Variants in TERT observed in about 807,000 individuals in gnomAD.
The protein encoded by TERT is telomerase reverse transcriptase.
A neutral mutation model predicts 104.0 loss-of-function variants in TERT; 42 were observed. The observed-to-expected ratio is 0.40, with a 90% CI of 0.32 to 0.52. The LOEUF (loss-of-function observed/expected upper bound fraction) is 0.52, where lower values mean the gene tolerates loss of function less well. TERT is among the 20% of genes least tolerant of loss of function. The probability of loss-of-function intolerance (pLI) is 0.43; values close to 1 mark genes in which losing one functional copy is unlikely to be tolerated. For synonymous variants in TERT, 781 were observed against 725.6 expected (o/e 1.08, Z -1.23); for missense variants, 1,101 against 1,610.3 (o/e 0.68, Z 5.41).
chr5:1,257,791 G>A lies in TERT; in HGVS notation c.3032+807C>T, dbSNP rs982193231. ...ACATCAAGTGTGCACGGTAATTCGC[G>A]CAGCCTCGGCCCTGGGTAACACAAA... On this transcript the variant is annotated intron_variant, in intron 13 of 15. Transcript: ENST00000310581. The surrounding 1 kb of genome is among the most constrained non-coding windows in gnomAD (Gnocchi z 5.6). 2.6e-5 allele frequency among the ~76,000 whole-genome samples: 4 copies of A among 152,226 alleles called. No homozygotes were observed. The highest frequency in any genetic ancestry group is 4.4e-5 in the Non-Finnish European group (3 of 68,050).
chr5:1,276,074 A>G (rs1257757797), intron 6 of TERT, among the ~76,000 whole-genome samples: 1 of 134,988 alleles, frequency 7.4e-6, no homozygotes, highest in East Asian at 2.3e-4. Flanking sequence ...AATCCCACAG[A>G]TCCCCACCTA....
rs576890291 is a variant in TERT at position 1,284,494 on chromosome 5, G to A, written c.1574-1870C>T. On this transcript the variant is annotated intron_variant, in intron 2 of 15. Transcript: ENST00000310581. ...CCGGACTCCATACATCCAGCTCACC[G>A]AGGGCCTGGCGACCTCACTCCAGAC... Among the ~76,000 whole-genome samples, 23 of 44,030 alleles carry A rather than the reference G, an allele frequency of 5.2e-4. No homozygotes were observed. In the South Asian group the frequency reaches 0.012, roughly 22 times the overall value. The allele number at this position is 44,030 out of a possible 152,430, so 28.9% of individuals were successfully genotyped here.
At position 1,288,274 on chromosome 5, in the gene TERT, T is replaced by C. The variant is rs1388844039; in HGVS notation, c.1573+5039A>G. On this transcript the variant is annotated intron_variant, in intron 2 of 15. Coordinates refer to ENST00000310581, the MANE Select transcript of TERT (RefSeq NM_198253.3). This position sits in a 1 kb window ranked among gnomAD's most constrained non-coding sequence, Gnocchi z 5.3. Reference sequence around the variant, plus strand: ...TTCACATCAAAACACAGGGTGCAGGTAAGGCAGCACTTAGAGGGAAAGGCA... The same window carrying C: ...TTCACATCAAAACACAGGGTGCAGGCAAGGCAGCACTTAGAGGGAAAGGCA... Among the ~76,000 whole-genome samples, 2 of 152,084 alleles carry C rather than the reference T, an allele frequency of 1.3e-5. No individual in the cohort carries two copies.
At chr5:1,275,422 A>G (rs2126631213) in intron 6 of TERT, among the ~76,000 whole-genome samples, 1 of 152,072 alleles carries the variant, frequency 6.6e-6, no homozygotes, top group East Asian at 1.9e-4. Context: ...GCAAGCCTCC[A>G]ACTCGCAGGG....
chr5:1,259,707 C>A (rs559511055), intron 12 of TERT, among the ~76,000 whole-genome samples: 38 of 85,342 alleles, frequency 4.5e-4, no homozygotes, highest in Non-Finnish European at 6.4e-4. Flanking sequence ...ACAGGAGAGA[C>A]GAGTGGATGC....
In TERT at chr5:1,271,080, G is replaced by A. The variant is rs371940621; in HGVS notation, c.2468+39C>T. On this transcript the variant is annotated intron_variant, in intron 8 of 15. Transcript: ENST00000310581. ...AGCAGAAGCCCTGCCAGCCCGCCCA[G>A]CCACCCGCAGGGCAATGGCACCTGG... is the stretch of plus-strand genomic sequence containing the variant. 68 of 1,560,110 alleles carry A rather than the reference G, an allele frequency of 4.4e-5. No individual in the cohort carries two copies. In the African/African-American group the frequency reaches 7.8e-4, roughly 18 times the overall value.
Position 1,288,749 on chromosome 5 carries a change from T to G in TERT, c.1573+4564A>C, listed in dbSNP as rs1365072353. 1.3e-5 allele frequency among the ~76,000 whole-genome samples: 2 copies of G among 152,154 alleles called. No homozygotes were observed. Among genetic ancestry groups the G allele is most frequent in the Non-Finnish European group, 1.5e-5 (1 of 68,030 alleles). ...GACACAGGCAGCCCAGAGTCCAGCC[T>G]CGGCATGAGACAAGCTGGGAGAGGA... On this transcript the variant is annotated intron_variant, in intron 2 of 15. Transcript: ENST00000310581. This position sits in a 1 kb window ranked among gnomAD's most constrained non-coding sequence, Gnocchi z 5.3.
chr5:1,278,618 C>T (rs373622516), intron 6 of TERT, 23 bp downstream of exon 6: 31 of 1,613,874 alleles, frequency 1.9e-5, no homozygotes, highest in South Asian at 1.8e-4. Context: ...ATCCTGGACA[C>T]GACTATCACA....
In TERT at chr5:1,287,051, A is replaced by C. The variant is rs1750537729; in HGVS notation, c.1574-4427T>G. 6.6e-6 allele frequency among the ~76,000 whole-genome samples: 1 copy of C among 152,214 alleles called. No individual in the cohort carries two copies. The highest frequency in any genetic ancestry group is 6.5e-5 in the Admixed American group (1 of 15,272). On this transcript the variant is annotated intron_variant, in intron 2 of 15. Transcript: ENST00000310581. This position sits in a 1 kb window ranked among gnomAD's most constrained non-coding sequence, Gnocchi z 4.3. ...AAACAAGGGAACGAGGACATGCAAC[A>C]GGCAAGTGGAGAATCAGAGTGCACC...
chr5:1,260,682 C>T, intron 11 of TERT, 82 bp from the exon 12 acceptor site: 1 of 1,589,234 alleles, frequency 6.3e-7, no homozygotes, highest in Non-Finnish European at 8.6e-7. Context: ...CAAAGAGCCT[C>T]CTGCCTTCCT....
chr5:1,287,134 G>A lies in TERT; in HGVS notation c.1574-4510C>T, dbSNP rs561966216. Among the ~76,000 whole-genome samples the A allele has an allele frequency of 3.3e-5, 5 of 152,188 alleles. No individual in the cohort carries two copies. Among genetic ancestry groups the A allele is most frequent in the Non-Finnish European group, 5.9e-5 (4 of 68,012 alleles). On this transcript the variant is annotated intron_variant, in intron 2 of 15. Coordinates refer to ENST00000310581, the MANE Select transcript of TERT (RefSeq NM_198253.3). The surrounding 1 kb of genome is among the most constrained non-coding windows in gnomAD (Gnocchi z 4.3). ...AAATCAGGTTATCCAGTTAAACAAC[G>A]ACTGTCAGACTGGATTGGAAATTCA... is the stretch of plus-strand genomic sequence containing the variant.
At position 1,266,469 on chromosome 5, in the gene TERT, G is replaced by A; in HGVS notation, c.2649C>T (p.Phe883=). Residue 883 remains phenylalanine (F), a synonymous_variant, in exon 10 of 16, where the codon TTC becomes TTT. Coordinates refer to ENST00000310581, the MANE Select transcript of TERT (RefSeq NM_198253.3). The stretch of plus-strand genomic sequence containing the variant: ...ACACACGGCACGGGCCTCACCTGAG[G>A]AAGGTTTTCGCGTGGGTGAGGTGAG... ...VTPHLTHAKT[F]LRTLVRGVPE... is the part of the protein sequence containing the mutation. 2 of 1,608,648 alleles carry A rather than the reference G, an allele frequency of 1.2e-6. No homozygotes were observed. Among genetic ancestry groups the A allele is most frequent in the Non-Finnish European group, 1.7e-6 (2 of 1,177,492 alleles).
At position 1,279,326 on chromosome 5, in the gene TERT, C is replaced by A; in HGVS notation, c.2095G>T (p.Ala699Ser). ...AWRTFVLRVR[A>S]QDPPPELYFV... ...TACAGCTCAGGCGGCGGGTCCTGGGCCCGCACACGCAGCACGAAGGTGCGC... is the reference window on the plus strand; with the variant it reads ...TACAGCTCAGGCGGCGGGTCCTGGGACCGCACACGCAGCACGAAGGTGCGC... Residue 699 changes from alanine to serine, a missense_variant, in exon 5 of 16, where the codon GCC (alanine) becomes TCC (serine). Physicochemically the swap from Ala to Ser is moderately conservative, Grantham distance 99 (BLOSUM62 1). Around this residue, in one of 5 missense-constraint regions of TERT, gnomAD observed 463 missense variants for 797.5 expected, o/e 0.58. Transcript: ENST00000310581. 6.3e-7 allele frequency: 1 copy of A among 1,585,628 alleles called. No homozygotes were observed. Among genetic ancestry groups the A allele is most frequent in the Non-Finnish European group, 8.6e-7 (1 of 1,168,270 alleles).
rs1339499846 is a variant in TERT at position 1,292,228 on chromosome 5, ACTT to A, written c.1573+1082_1573+1084del. ...TTTGTGGGGAGGGGGTGAAATCGGG[ACTT>A]CTTCTAGCTGCCACGGTAGGGCCTG... is the stretch of plus-strand genomic sequence containing the variant. On this transcript the variant is annotated intron_variant, in intron 2 of 15. Coordinates refer to ENST00000310581, the MANE Select transcript of TERT (RefSeq NM_198253.3). The surrounding 1 kb of genome is among the most constrained non-coding windows in gnomAD (Gnocchi z 5.5). Among the ~76,000 whole-genome samples, 2 of 152,028 alleles carry A rather than the reference ACTT, an allele frequency of 1.3e-5. No individual in the cohort carries two copies. Among genetic ancestry groups the A allele is most frequent in the East Asian group, 1.9e-4 (1 of 5,170 alleles).
intron 11 of TERT, among the ~76,000 whole-genome samples, chr5:1,260,998 G>A (rs2126586178): frequency 6.6e-6 from 1 of 152,322 alleles, no homozygotes; most frequent in African/African-American, 2.4e-5. Flanking sequence ...ACTGAGTTGG[G>A]CGTGGGGAAT....
chr5:1,285,601 C>T (rs963244695), intron 2 of TERT, among the ~76,000 whole-genome samples: 9 of 109,226 alleles, frequency 8.2e-5, no homozygotes, highest in Admixed American at 4.3e-4. Context: ...GACAGAGTCT[C>T]GCTGTGTTGC....
In TERT at chr5:1,272,221, C is replaced by G; in HGVS notation, c.2346G>C (p.Glu782Asp). ...YMRQFVAHLQ[E>D]TSPLRDAVVI... is the part of the protein sequence containing the mutation. ...CGACGGCATCCCTCAGCGGGCTGGT[C>G]TCCTGCAGGTGAGCCACGAACTGTC... Residue 782 changes from glutamate to aspartate, a missense_variant, in exon 7 of 16, where the codon GAG (glutamate) becomes GAC (aspartate). Around this residue, in one of 5 missense-constraint regions of TERT, gnomAD observed 463 missense variants for 797.5 expected, o/e 0.58. Coordinates refer to ENST00000310581, the MANE Select transcript of TERT (RefSeq NM_198253.3). 6.2e-7 allele frequency: 1 copy of G among 1,612,844 alleles called. No homozygotes were observed. The highest frequency in any genetic ancestry group is 8.5e-7 in the Non-Finnish European group (1 of 1,179,878).
At chr5:1,279,506 G>C (rs1749868731) in intron 4 of TERT, 36 bp from the exon 5 acceptor site, 1 of 1,546,562 alleles carries the variant, frequency 6.5e-7, no homozygotes, top group Non-Finnish European at 8.7e-7. Context: ...TCAGGAAAGT[G>C]GATCCGGCCA....
rs1272884946 is a variant in TERT at position 1,294,520 on chromosome 5, G to A, written c.366C>T (p.Tyr122=). The A allele has an allele frequency of 2.2e-5, 34 of 1,579,114 alleles. No homozygotes were observed. The East Asian group carries it at 7.5e-4, about 35-fold the overall frequency. ...PEAFTTSVRS[Y]LPNTVTDALR... ...GTGCGTCGGTCACCGTGTTGGGCAGGTAGCTGCGCACGCTGGTGGTGAAGG... is the reference window on the plus strand; with the variant it reads ...GTGCGTCGGTCACCGTGTTGGGCAGATAGCTGCGCACGCTGGTGGTGAAGG... Residue 122 remains tyrosine, a synonymous_variant, in exon 2 of 16, where the codon TAC becomes TAT. Transcript: ENST00000310581.
Sources: allele counts gnomAD v4.1 joint callset (sites outside exome capture counted in the v4.1 genomes callset), GRCh38; gene constraint gnomAD v4.1.1; regional missense constraint gnomAD v4.1.1; non-coding constraint Gnocchi (gnomAD v3.1); transcripts MANE v1.5; gene names NCBI Gene and HGNC (gene_info 2026-07-23, HGNC 2026-07-21).